The following POLR2B variants were observed in gnomAD, a reference collection of about 807,000 sequenced individuals.
POLR2B encodes DNA-directed RNA polymerase II subunit RPB2.
POLR2B carries 57 observed loss-of-function variants against 144.6 expected under a neutral mutation model. The ratio of observed to expected loss-of-function variants is 0.39; its 90% confidence interval spans 0.32 to 0.49. POLR2B has a LOEUF of 0.49. Ranked by LOEUF, POLR2B falls within the 20% of genes least tolerant of loss-of-function variation. The pLI is 0.83. For synonymous variants in POLR2B, 442 were observed against 469.8 expected, an observed-to-expected ratio of 0.94 and a Z score of 0.77; for missense variants, 595 against 1,467.4, an observed-to-expected ratio of 0.41 and a Z score of 9.71.
intron 1 of POLR2B, among the ~76,000 whole-genome samples, chr4:56,981,983 G>C (rs535689382): frequency 6.6e-6 from 1 of 152,278 alleles, no homozygotes; most frequent in East Asian, 1.9e-4. Context: ...GCTTTCTAGC[G>C]ACATCACTTT....
intron 10 of POLR2B, among the ~76,000 whole-genome samples, chr4:57,008,968 G>T (rs1723108395): frequency 6.6e-6 from 1 of 151,920 alleles, no homozygotes. Context: ...GAGTGACGTG[G>T]TCATTTTTGT....
rs1553910801 is a variant in POLR2B at position 57,005,584 on chromosome 4, T to TTC, written c.1098-15_1098-14insCT. The stretch of plus-strand genomic sequence containing the variant: ...GTGTTTTCCCTCTTTCTTTCTTTCT[T>TTC]TTTTTTTTTTTAAAGATACATGGTT... On this transcript the variant is annotated splice_polypyrimidine_tract_variant and intron_variant, in intron 8 of 24. Transcript: ENST00000314595. The TTC allele has an allele frequency of 0.23, 324,474 of 1,431,014 alleles. 18,832 individuals carry two copies. Among genetic ancestry groups the TTC allele is most frequent in the Non-Finnish European group, 0.24 (256,049 of 1,058,112 alleles). 88.6% of individuals were successfully genotyped at this position (1,431,014 alleles called of 1,614,324 possible). A position where few individuals can be genotyped will look rare whatever the true frequency, so the allele number is the denominator to read the frequency against.
intron 2 of POLR2B, among the ~76,000 whole-genome samples, chr4:56,988,847 G>A (rs17828496): frequency 0.05 from 7,677 of 152,064 alleles, 280 homozygotes; most frequent in Non-Finnish European, 0.073. Context: ...ACATTCTCCC[G>A]GTAGAAAAAA....
intron 13 of POLR2B, among the ~76,000 whole-genome samples, chr4:57,012,947 TCTC>T (rs1168097726): frequency 3.3e-5 from 5 of 152,114 alleles, no homozygotes; most frequent in Admixed American, 2.6e-4. Flanking sequence ...TTCAAGCAAT[TCTC>T]CTGCTTCAGC....
chr4:57,010,571 T>C, intron 11 of POLR2B, 67 bp downstream of exon 11: 1 of 1,493,696 alleles, frequency 6.7e-7, no homozygotes, highest in Non-Finnish European at 9.1e-7. Flanking sequence ...ATAATTACTT[T>C]TAGAAATAGA....
At chr4:56,979,048 C>T (rs774568979) in intron 1 of POLR2B, 44 bp downstream of exon 1, 15 of 1,602,810 alleles carry the variant, frequency 9.4e-6, no homozygotes, top group Non-Finnish European at 1.3e-5. Flanking sequence ...TCCATTTAAG[C>T]AGGAAAGCGT....
chr4:57,016,348 A>G (rs887336693), intron 14 of POLR2B, among the ~76,000 whole-genome samples: 3 of 151,922 alleles, frequency 2.0e-5, no homozygotes, highest in African/African-American at 7.3e-5. Flanking sequence ...GGAGTTCAAG[A>G]CCAGTCTGGG....
chr4:57,015,756 TTTTA>T (rs1445015070), intron 14 of POLR2B, 100 bp downstream of exon 14: 3 of 363,396 alleles, frequency 8.3e-6, no homozygotes, highest in East Asian at 5.8e-5. Context: ...TTTTATTTAA[TTTTA>T]TTTATTTATT....
chr4:57,011,150 G>A, intron 13 of POLR2B, 50 bp downstream of exon 13: 1 of 1,120,328 alleles, frequency 8.9e-7, no homozygotes, highest in Non-Finnish European at 1.4e-6. Context: ...TTTAAACAAG[G>A]CATAGGACTA....
intron 1 of POLR2B, chr4:56,985,432 C>T (rs911587238): frequency 1.8e-5 from 18 of 985,200 alleles, no homozygotes; most frequent in East Asian, 2.3e-4. Flanking sequence ...CCCGCCGCCC[C>T]GTGGGGCGGC....
chr4:56,990,669 T>C, intron 2 of POLR2B, 79 bp from the exon 3 acceptor site: 1 of 1,220,124 alleles, frequency 8.2e-7, no homozygotes, highest in South Asian at 1.5e-5. Context: ...ATAATGAAAA[T>C]GGGGAAATAA....
At chr4:56,996,278 A>ATATATATT (rs1488404814) in intron 6 of POLR2B, among the ~76,000 whole-genome samples, 6 of 59,730 alleles carry the variant, frequency 1.0e-4, no homozygotes, top group Non-Finnish European at 2.0e-4. Flanking sequence ...ATATATATAT[A>ATATATATT]TTTTTTTTTT....
intron 6 of POLR2B, among the ~76,000 whole-genome samples, chr4:56,996,934 A>C (rs1283798584): frequency 1.3e-5 from 2 of 151,970 alleles, no homozygotes; most frequent in Admixed American, 6.5e-5. Context: ...AAACAACAAC[A>C]ACAAAAACCC....
chr4:57,017,799 G>A lies in POLR2B; in HGVS notation c.2323+71G>A. The A allele has an allele frequency of 2.8e-6, 3 of 1,069,134 alleles. No individual in the cohort carries two copies. The highest frequency in any genetic ancestry group is 4.1e-6 in the Non-Finnish European group (3 of 740,282). The allele number at this position is 1,069,134 out of a possible 1,614,324, so 66.2% of individuals were successfully genotyped here. A position where few individuals can be genotyped will look rare whatever the true frequency, so the allele number is the denominator to read the frequency against. On this transcript the variant is annotated intron_variant, in intron 16 of 24. Transcript: ENST00000314595. The surrounding 1 kb of genome is among the most constrained non-coding windows in gnomAD (Gnocchi z 4.8). ...AAGGCACTTTTCTGGGTGCTTGGGA[G>A]GATTAAAAAATAAATATGACATAGT...
intron 13 of POLR2B, among the ~76,000 whole-genome samples, chr4:57,012,845 A>G (rs1012120414): frequency 4.6e-5 from 7 of 151,186 alleles, no homozygotes; most frequent in African/African-American, 1.2e-4. Context: ...TTGTATTTCT[A>G]TTTTTATTTT....
intron 3 of POLR2B, 49 bp from the exon 4 acceptor site, chr4:56,994,355 T>C (rs751836540): frequency 3.0e-6 from 3 of 989,890 alleles, no homozygotes; most frequent in Non-Finnish European, 4.7e-6. Context: ...ACTAAAACTT[T>C]TATGGAAAAA....
rs961654439 is a variant in POLR2B at position 57,000,812 on chromosome 4, C to T, written c.900+1031C>T. 8.6e-5 allele frequency among the ~76,000 whole-genome samples: 13 copies of T among 151,852 alleles called. 1 individual carries two copies. The highest frequency in any genetic ancestry group is 1.2e-4 in the African/African-American group (5 of 41,350). ...CCAGGTTCAAGTGATTCTCCTGCCT[C>T]AGCCTCCCAAGTAATTGGGACTACA... On this transcript the variant is annotated intron_variant, in intron 7 of 24. Transcript: ENST00000314595.
chr4:57,027,101 C>T lies in POLR2B; in HGVS notation c.3239+1564C>T, dbSNP rs981418584. ...TCGGCTCACGGCAACCTCCGCCTCC[C>T]GGATTCAAGCAATTCTCGTGCCTCG... On this transcript the variant is annotated intron_variant, in intron 23 of 24. Transcript: ENST00000314595. 3.9e-5 allele frequency among the ~76,000 whole-genome samples: 6 copies of T among 152,128 alleles called. No homozygotes were observed. In the South Asian group the frequency reaches 8.3e-4, roughly 21 times the overall value.
In POLR2B at chr4:57,023,577, A is replaced by G. The variant is rs967238284; in HGVS notation, c.2763A>G (p.Ile921Met). 1.2e-6 allele frequency: 2 copies of G among 1,613,726 alleles called. No homozygotes were observed. Among genetic ancestry groups the G allele is most frequent in the African/African-American group, 2.7e-5 (2 of 74,920 alleles). Residue 921 changes from isoleucine to methionine, a missense_variant, in exon 19 of 25, where the codon ATA becomes ATG. Coordinates refer to ENST00000314595, the MANE Select transcript of POLR2B (RefSeq NM_000938.3). The surrounding 1 kb of genome is among the most constrained non-coding windows in gnomAD (Gnocchi z 4.3). The stretch of plus-strand genomic sequence containing the variant: ...AGGAAGGATATAAATTTTGTAAAAT[A>G]AGGGTGAGTACAACTTTGTTCATGT... ...LNQEGYKFCK[I>M]RVRSVRIPQI...
Sources: allele counts gnomAD v4.1 joint callset (sites outside exome capture counted in the v4.1 genomes callset), GRCh38; gene constraint gnomAD v4.1.1; non-coding constraint Gnocchi (gnomAD v3.1); transcripts MANE v1.5; gene names NCBI Gene and HGNC (gene_info 2026-07-23, HGNC 2026-07-21).